The following HIPK2 variants were observed in gnomAD, a reference collection of about 807,000 sequenced individuals.
HIPK2 encodes homeodomain-interacting protein kinase 2.
In HIPK2, 27 loss-of-function variants were observed where a neutral mutation model predicts 113.7. The observed-to-expected ratio is 0.24, with a 90% CI of 0.17 to 0.33. The LOEUF (loss-of-function observed/expected upper bound fraction) is 0.33, where lower values mean the gene tolerates loss of function less well. Ranked by LOEUF, HIPK2 falls within the 10% of genes least tolerant of loss-of-function variation. The pLI, the probability that HIPK2 is intolerant of heterozygous loss-of-function variation, is 1.00. For synonymous variants in HIPK2, 631 were observed against 642.2 expected (o/e 0.98, Z 0.26); for missense variants, 1,257 against 1,588.0 (o/e 0.79, Z 3.54).
At chr7:139,772,273 G>A (rs776817431) in intron 1 of HIPK2, among the ~76,000 whole-genome samples, 35 of 152,172 alleles carry the variant, frequency 2.3e-4, no homozygotes, top group Admixed American at 3.3e-4. Context: ...TCAGCCAGGC[G>A]AAAAGGCTGG....
At chr7:139,745,055 C>T (rs1796167421) in intron 1 of HIPK2, among the ~76,000 whole-genome samples, 1 of 152,318 alleles carries the variant, frequency 6.6e-6, no homozygotes, top group South Asian at 2.1e-4. Context: ...TCTCATTTTA[C>T]AGAAGACAAG....
At chr7:139,686,515 C>T (rs1569474311) in intron 2 of HIPK2, among the ~76,000 whole-genome samples, 4 of 152,136 alleles carry the variant, frequency 2.6e-5, no homozygotes, top group Non-Finnish European at 5.9e-5. Context: ...GGGGCAGTTG[C>T]ATTCATGCTG....
intron 2 of HIPK2, among the ~76,000 whole-genome samples, chr7:139,668,467 C>G (rs1463510499): frequency 6.6e-6 from 1 of 150,582 alleles, no homozygotes; most frequent in African/African-American, 2.4e-5. Flanking sequence ...GAGGCTGAGG[C>G]AGGAGAATGG....
intron 2 of HIPK2, among the ~76,000 whole-genome samples, chr7:139,681,472 G>T (rs200658429): frequency 6.6e-6 from 1 of 152,072 alleles, no homozygotes; most frequent in Non-Finnish European, 1.5e-5. Flanking sequence ...AAAGCCAAAG[G>T]CTTCTTCCGG....
chr7:139,647,722 T>C (rs1801292833), intron 2 of HIPK2, among the ~76,000 whole-genome samples: 1 of 152,164 alleles, frequency 6.6e-6, no homozygotes, highest in African/African-American at 2.4e-5. Flanking sequence ...AGGAGGCAGC[T>C]AGGGAGATTT....
At chr7:139,608,797 G>C (rs1188794085) in intron 9 of HIPK2, among the ~76,000 whole-genome samples, 2 of 152,158 alleles carry the variant, frequency 1.3e-5, no homozygotes, top group African/African-American at 4.8e-5. Context: ...TGGAAAGACT[G>C]GTTGCTGAAA....
chr7:139,756,469 G>C (rs1262929372), intron 1 of HIPK2, among the ~76,000 whole-genome samples: 1 of 152,230 alleles, frequency 6.6e-6, no homozygotes, highest in Non-Finnish European at 1.5e-5. Context: ...CTGTCACCCA[G>C]GCTGGAGTGC....
In HIPK2 at chr7:139,646,959, T is replaced by C. The variant is rs182837258; in HGVS notation, c.1104-15234A>G. On this transcript the variant is annotated intron_variant, in intron 2 of 14. Transcript: ENST00000406875. Reference sequence around the variant, plus strand: ...TGTCAGTGGCCCTGTGGAAAGCATGTCTGGCCTGGCTCTCATGGAAAGCCT... The same window carrying C: ...TGTCAGTGGCCCTGTGGAAAGCATGCCTGGCCTGGCTCTCATGGAAAGCCT... Among the ~76,000 whole-genome samples, 378 of 152,180 alleles carry C rather than the reference T, an allele frequency of 2.5e-3. 3 individuals are homozygous for C. Among genetic ancestry groups the C allele is most frequent in the Non-Finnish European group, 2.8e-3 (188 of 68,004 alleles).
intron 6 of HIPK2, among the ~76,000 whole-genome samples, chr7:139,624,321 C>T (rs1800346199): frequency 1.3e-5 from 2 of 152,198 alleles, no homozygotes; most frequent in Admixed American, 1.3e-4. Context: ...CTGCAACCGG[C>T]CATGACTTCG....
At chr7:139,660,518 G>A (rs1213231342) in intron 2 of HIPK2, among the ~76,000 whole-genome samples, 1 of 152,256 alleles carries the variant, frequency 6.6e-6, no homozygotes, top group Non-Finnish European at 1.5e-5. Flanking sequence ...CATGGGGACA[G>A]AGGCTGATCT....
chr7:139,635,393 C>T (rs1800776456), intron 2 of HIPK2, among the ~76,000 whole-genome samples: 1 of 152,190 alleles, frequency 6.6e-6, no homozygotes. Flanking sequence ...AAGGCTGTTC[C>T]TAACCCACGG....
At chr7:139,682,510 T>C (rs990933614) in intron 2 of HIPK2, among the ~76,000 whole-genome samples, 6 of 152,110 alleles carry the variant, frequency 3.9e-5, no homozygotes, top group African/African-American at 1.4e-4. Context: ...CTTTCCCTCA[T>C]CCCTCCCGCT....
intron 9 of HIPK2, among the ~76,000 whole-genome samples, chr7:139,612,075 C>A (rs2116772753): frequency 6.6e-6 from 1 of 151,914 alleles, no homozygotes; most frequent in South Asian, 2.1e-4. Context: ...TCTCTGGGAA[C>A]AGGGCTTCCC....
In HIPK2 at chr7:139,583,821, C is replaced by A. The variant is rs1232567969; in HGVS notation, c.2961G>T (p.Val987=). The change falls in exon 13 of 15, where the codon GTG becomes GTT. Residue 987 remains valine (V), a synonymous_variant. Coordinates refer to ENST00000406875, the MANE Select transcript of HIPK2 (RefSeq NM_022740.5). The part of the protein sequence containing the change: ...SEVLVECDSL[V]PVNTSHHSSS... ...CCTGTCCTGGCCCCAAATTACCTGGCACCAGGCTATCACACTCCACCAATA... is the reference window on the plus strand; with the variant it reads ...CCTGTCCTGGCCCCAAATTACCTGGAACCAGGCTATCACACTCCACCAATA... 1 of 1,610,318 alleles carries A rather than the reference C, an allele frequency of 6.2e-7. No individual in the cohort carries two copies. The highest frequency in any genetic ancestry group is 1.1e-5 in the South Asian group (1 of 90,252).
intron 2 of HIPK2, among the ~76,000 whole-genome samples, chr7:139,669,244 C>T (rs1424006700): frequency 3.3e-5 from 5 of 152,196 alleles, no homozygotes; most frequent in African/African-American, 9.7e-5. Flanking sequence ...ACTGTGTACT[C>T]AGCTTCCTTT....
intron 2 of HIPK2, among the ~76,000 whole-genome samples, chr7:139,688,037 T>G (rs1488597396): frequency 3.3e-5 from 5 of 152,160 alleles, no homozygotes; most frequent in Admixed American, 6.5e-5. Context: ...CATGGATTCT[T>G]GTCACCCCAA....
chr7:139,627,852 C>T (rs185615106), intron 5 of HIPK2, among the ~76,000 whole-genome samples: 2 of 152,346 alleles, frequency 1.3e-5, no homozygotes, highest in East Asian at 3.9e-4. Context: ...CCTGCGGTCC[C>T]TGCCAGTGAG....
At chr7:139,628,738 G>A (rs1339295168) in intron 5 of HIPK2, among the ~76,000 whole-genome samples, 1 of 152,134 alleles carries the variant, frequency 6.6e-6, no homozygotes, top group East Asian at 1.9e-4. Context: ...CTGGCCAACT[G>A]GAACGATTTT....
intron 2 of HIPK2, among the ~76,000 whole-genome samples, chr7:139,694,730 A>T (rs1794515929): frequency 6.6e-6 from 1 of 152,158 alleles, no homozygotes; most frequent in African/African-American, 2.4e-5. Flanking sequence ...TAGTGGAAAG[A>T]TGTCAGTTGA....
Sources: gnomAD v4.1 joint callset for allele counts (sites outside exome capture counted in the v4.1 genomes callset) on GRCh38, gnomAD v4.1.1 for gene constraint, MANE v1.5 for transcripts, NCBI Gene and HGNC (gene_info 2026-07-23, HGNC 2026-07-21) for gene names.